Variants in PRR16 observed in about 807,000 individuals in gnomAD.
PRR16 encodes the protein proline rich 16.
Under a neutral mutation model 18.2 loss-of-function variants are expected in PRR16, and 6 were observed. The observed-to-expected ratio is 0.33, with a 90% CI of 0.18 to 0.65. The LOEUF (loss-of-function observed/expected upper bound fraction) is 0.65, where lower values mean the gene tolerates loss of function less well. PRR16 is among the 30% of genes least tolerant of loss of function. The probability of loss-of-function intolerance (pLI) is 0.74; values close to 1 mark genes in which losing one functional copy is unlikely to be tolerated. For missense variants in PRR16, 412 were observed against 376.6 expected (o/e 1.09, Z -0.78); for synonymous variants, 151 against 147.8 (o/e 1.02, Z -0.16).
intron 1 of PRR16, among the ~76,000 whole-genome samples, chr5:120,600,160 AT>A (rs937581680): frequency 6.0e-5 from 9 of 150,266 alleles, no homozygotes; most frequent in East Asian, 2.0e-4. Flanking sequence ...TTTTTGTTTA[AT>A]TTTTTTTTCT....
chr5:120,792,329 A>G, the PRR16 span, among the ~76,000 whole-genome samples: 2 of 152,174 alleles, frequency 1.3e-5, no homozygotes, highest in Non-Finnish European at 2.9e-5. Context: ...CCAGACTAGA[A>G]AAAGTGTCTA....
intron 1 of PRR16, among the ~76,000 whole-genome samples, chr5:120,661,300 G>C (rs1017918283): frequency 2.0e-5 from 3 of 151,954 alleles, no homozygotes; most frequent in Non-Finnish European, 4.4e-5. Flanking sequence ...CCTGTCTTTT[G>C]ATGTTGCTCT....
chr5:120,708,251 T>C, the PRR16 span, among the ~76,000 whole-genome samples: 2 of 152,212 alleles, frequency 1.3e-5, no homozygotes, highest in Non-Finnish European at 2.9e-5. Context: ...TGTTGTTCAT[T>C]ACTCCTTGCT....
rs147749175 is a variant in PRR16 at position 120,570,354 on chromosome 5, G to T, written c.159+105709G>T. 2.3e-3 allele frequency among the ~76,000 whole-genome samples: 344 copies of T among 152,144 alleles called. 4 individuals carry two copies. Among genetic ancestry groups the T allele is most frequent in the Admixed American group, 0.014 (220 of 15,262 alleles). ...AAGGGAATTTATCAAGAAAAAAGTA[G>T]GGTACTCTTGATGGAGGAAAGAGGG... On this transcript the variant is annotated intron_variant, in intron 1 of 1. Transcript: ENST00000407149.
chr5:120,754,356 G>GT, the PRR16 span, among the ~76,000 whole-genome samples: 1 of 62,186 alleles, frequency 1.6e-5, no homozygotes, highest in Non-Finnish European at 2.8e-5. Context: ...GTTATATGAT[G>GT]TATATAAATA....
the PRR16 span, among the ~76,000 whole-genome samples, chr5:120,741,433 C>CT: frequency 2.6e-5 from 4 of 152,188 alleles, no homozygotes; most frequent in Admixed American, 6.5e-5. Context: ...TTTATTTCAT[C>CT]TTTTTTCATT....
At chr5:120,706,685 CATA>C in the PRR16 span, among the ~76,000 whole-genome samples, 3 of 152,180 alleles carry the variant, frequency 2.0e-5, no homozygotes, top group Non-Finnish European at 4.4e-5. Context: ...CTTTAATTCT[CATA>C]ATAACTCTTG....
intron 1 of PRR16, among the ~76,000 whole-genome samples, chr5:120,596,610 A>G (rs1475071001): frequency 6.6e-6 from 1 of 151,794 alleles, no homozygotes; most frequent in African/African-American, 2.4e-5. Flanking sequence ...TATTTTTTGT[A>G]TTTGATTTTA....
At chr5:120,500,699 T>C (rs1750420991) in intron 1 of PRR16, among the ~76,000 whole-genome samples, 1 of 152,194 alleles carries the variant, frequency 6.6e-6, no homozygotes, top group Admixed American at 6.5e-5. Context: ...CTTATTCTTT[T>C]TTATAAGATT....
At chr5:120,536,500 AT>A (rs1256194860) in intron 1 of PRR16, among the ~76,000 whole-genome samples, 1 of 152,202 alleles carries the variant, frequency 6.6e-6, no homozygotes, top group Non-Finnish European at 1.5e-5. Flanking sequence ...ATGTCCAAAA[AT>A]GTCTCTTTTT....
At chr5:120,564,902 C>T (rs943756751) in intron 1 of PRR16, among the ~76,000 whole-genome samples, 1 of 150,384 alleles carries the variant, frequency 6.6e-6, no homozygotes, top group Non-Finnish European at 1.5e-5. Flanking sequence ...AGGAGAATGG[C>T]TTGAACTGGG....
the PRR16 span, chr5:120,781,072 A>T: frequency 6.6e-6 from 1 of 152,114 alleles, no homozygotes; most frequent in East Asian, 1.9e-4. Flanking sequence ...TATCTATCTA[A>T]TTTTCATAAT....
chr5:120,524,118 T>C (rs1349956687), intron 1 of PRR16, among the ~76,000 whole-genome samples: 1 of 152,180 alleles, frequency 6.6e-6, no homozygotes, highest in Non-Finnish European at 1.5e-5. Flanking sequence ...CAGAAGTTTA[T>C]GTAAACTCCT....
chr5:120,583,313 A>ATGTGTGTG lies in PRR16; in HGVS notation c.160-102612_160-102605dup, dbSNP rs35255792. 4.7e-5 allele frequency among the ~76,000 whole-genome samples: 7 copies of ATGTGTGTG among 149,134 alleles called. No homozygotes were observed. In the East Asian group the frequency reaches 1.2e-3, roughly 26 times the overall value. On this transcript the variant is annotated intron_variant, in intron 1 of 1. Transcript: ENST00000407149. Reference sequence around the variant, plus strand: ...ACATTTTAATGGGTAATACAAAATAATGTGTGTGTGTGTGTGTGTGTGTGT... The same window carrying ATGTGTGTG: ...ACATTTTAATGGGTAATACAAAATAATGTGTGTGTGTGTGTGTGTGTGTGTGTGTGTGT...
At chr5:120,704,946 T>C in the PRR16 span, among the ~76,000 whole-genome samples, 1 of 152,144 alleles carries the variant, frequency 6.6e-6, no homozygotes, top group South Asian at 2.1e-4. Context: ...TTTTTTTAAT[T>C]TAATGCAGTA....
chr5:120,704,164 G>A, the PRR16 span, among the ~76,000 whole-genome samples: 1 of 152,128 alleles, frequency 6.6e-6, no homozygotes, highest in Non-Finnish European at 1.5e-5. Flanking sequence ...AAAGGGGTAT[G>A]GGAAACAAAA....
chr5:120,586,860 T>C (rs12153712), intron 1 of PRR16, among the ~76,000 whole-genome samples: 34,025 of 152,072 alleles, frequency 0.22, 4,250 homozygotes, highest in Middle Eastern at 0.37. Context: ...CTGGAAATGA[T>C]TAAACTTAGT....
chr5:120,629,668 T>C (rs1411348860), intron 1 of PRR16, among the ~76,000 whole-genome samples: 1 of 152,158 alleles, frequency 6.6e-6, no homozygotes, highest in African/African-American at 2.4e-5. Flanking sequence ...TCACACACCT[T>C]TCTGTCTCAG....
chr5:120,764,564 A>C, the PRR16 span, among the ~76,000 whole-genome samples: 1 of 151,976 alleles, frequency 6.6e-6, no homozygotes, highest in African/African-American at 2.4e-5. Flanking sequence ...AGGCTTTTCA[A>C]AACTAGTTGG....
Sources: gnomAD v4.1 joint callset for allele counts (sites outside exome capture counted in the v4.1 genomes callset) on GRCh38, gnomAD v4.1.1 for gene constraint, MANE v1.5 for transcripts, NCBI Gene and HGNC (gene_info 2026-07-23, HGNC 2026-07-21) for gene names.